The following GABRG2 variants were observed in gnomAD, a reference collection of about 807,000 sequenced individuals.
The protein encoded by GABRG2 is gamma-aminobutyric acid receptor subunit gamma-2.
GABRG2 carries 16 observed loss-of-function variants against 56.4 expected under a neutral mutation model. The observed-to-expected ratio is 0.28, with a 90% CI of 0.19 to 0.43. GABRG2 has a LOEUF of 0.43. Among genes scored for constraint, GABRG2 ranks in the 20% least tolerant of loss-of-function variants. The probability of loss-of-function intolerance (pLI) is 1.00; values close to 1 mark genes in which losing one functional copy is unlikely to be tolerated. For synonymous variants in GABRG2, 208 were observed against 205.5 expected (o/e 1.01, Z -0.10); for missense variants, 327 against 582.7 (o/e 0.56, Z 4.52).
intron 1 of GABRG2, among the ~76,000 whole-genome samples, chr5:162,074,393 G>C (rs755476979): frequency 2.0e-5 from 3 of 151,884 alleles, no homozygotes; most frequent in African/African-American, 7.2e-5. Flanking sequence ...AGAAAACAAG[G>C]GTTGTTTTAA....
In GABRG2 at chr5:162,103,884, G is replaced by A. The variant is rs1761614864; in HGVS notation, c.632-5G>A. 1 of 1,613,782 alleles carries A rather than the reference G, an allele frequency of 6.2e-7. No individual in the cohort carries two copies. Among genetic ancestry groups the A allele is most frequent in the Non-Finnish European group, 8.5e-7 (1 of 1,179,866 alleles). On this transcript the variant is annotated splice_polypyrimidine_tract_variant and splice_region_variant and intron_variant, in intron 5 of 9. Coordinates refer to ENST00000639213, the MANE Select transcript of GABRG2 (RefSeq NM_198904.4). Reference sequence around the variant, plus strand: ...TTTAATGTGAGCTTTCCTATCTCACGGCAGATGGCTATCCACGTGAAGAAA... The same window carrying A: ...TTTAATGTGAGCTTTCCTATCTCACAGCAGATGGCTATCCACGTGAAGAAA...
At chr5:162,077,022 A>T (rs1335169385) in intron 1 of GABRG2, among the ~76,000 whole-genome samples, 1 of 151,968 alleles carries the variant, frequency 6.6e-6, no homozygotes, top group Admixed American at 6.6e-5. Flanking sequence ...AATTTAATAT[A>T]CAGTTAGATG....
chr5:162,097,235 A>G (rs1761062928), intron 3 of GABRG2, among the ~76,000 whole-genome samples: 2 of 152,222 alleles, frequency 1.3e-5, no homozygotes, highest in South Asian at 2.1e-4. Flanking sequence ...AGGATTGAGT[A>G]TGGGTTTGGG....
At chr5:162,103,575 C>G in intron 5 of GABRG2, 1 of 348,084 alleles carries the variant, frequency 2.9e-6, no homozygotes, top group Non-Finnish European at 5.5e-6. Context: ...AGACTGGTCA[C>G]TTGGTATGCA....
rs191504289 is a variant in GABRG2 at position 162,118,281 on chromosome 5, T to A, written c.769+14255T>A. Among the ~76,000 whole-genome samples the A allele has an allele frequency of 3.1e-3, 467 of 151,820 alleles. 4 individuals carry two copies. The highest frequency in any genetic ancestry group is 0.011 in the African/African-American group (444 of 41,442). On this transcript the variant is annotated intron_variant, in intron 6 of 9. Coordinates refer to ENST00000639213, the MANE Select transcript of GABRG2 (RefSeq NM_198904.4). ...AAAACACGTATTTTCAAGGTACTCATGCCAATTATATACTGTAACAGCCTG... is the reference window on the plus strand; with the variant it reads ...AAAACACGTATTTTCAAGGTACTCAAGCCAATTATATACTGTAACAGCCTG...
intron 6 of GABRG2, chr5:162,129,362 A>C (rs974247596): frequency 6.6e-6 from 1 of 152,044 alleles, no homozygotes; most frequent in Non-Finnish European, 1.5e-5. Context: ...AAACATCACT[A>C]AGGGTATCTT....
chr5:162,100,065 C>T (rs1761302467), intron 4 of GABRG2: 1 of 152,040 alleles, frequency 6.6e-6, no homozygotes, highest in East Asian at 1.9e-4. Flanking sequence ...AAACCTCCAG[C>T]TTTGAAGGTA....
Position 162,067,880 on chromosome 5 carries a change from AC to A in GABRG2, c.-118del. 1 of 735,054 alleles carries A rather than the reference AC, an allele frequency of 1.4e-6. No individual in the cohort carries two copies. Among genetic ancestry groups the A allele is most frequent in the Non-Finnish European group, 2.4e-6 (1 of 410,832 alleles). The allele number at this position is 735,054 out of a possible 1,614,324, so 45.5% of individuals were successfully genotyped here. A position where few individuals can be genotyped will look rare whatever the true frequency, so the allele number is the denominator to read the frequency against. Reference sequence around the variant, plus strand: ...TAGCAATCCATCTCCCCAGTGAAGGACCTACTAGAGGCAGGTGGGGGGAGCC... The same window carrying A: ...TAGCAATCCATCTCCCCAGTGAAGGACTACTAGAGGCAGGTGGGGGGAGCC... On this transcript the variant is annotated 5_prime_UTR_variant, in exon 1 of 10. Transcript: ENST00000639213.
At chr5:162,069,663 T>G (rs1758511658) in intron 1 of GABRG2, among the ~76,000 whole-genome samples, 1 of 152,310 alleles carries the variant, frequency 6.6e-6, no homozygotes, top group African/African-American at 2.4e-5. Flanking sequence ...AAAAATAGAA[T>G]GTATTTTCAC....
chr5:162,107,144 T>C (rs1761896316), intron 6 of GABRG2, among the ~76,000 whole-genome samples: 3 of 152,148 alleles, frequency 2.0e-5, no homozygotes, highest in Admixed American at 2.0e-4. Flanking sequence ...ATAGGGGTAG[T>C]GGCTTCCAAC....
At chr5:162,087,206 A>G (rs186328035) in intron 1 of GABRG2, among the ~76,000 whole-genome samples, 1 of 152,148 alleles carries the variant, frequency 6.6e-6, no homozygotes, top group Admixed American at 6.6e-5. Context: ...TCTGTTCCCC[A>G]CAATGAGCAT....
At chr5:162,131,925 A>G (rs1763783658) in intron 6 of GABRG2, among the ~76,000 whole-genome samples, 1 of 148,668 alleles carries the variant, frequency 6.7e-6, no homozygotes, top group African/African-American at 2.4e-5. Context: ...GAATATGTGT[A>G]TACTAGTCAG....
intron 3 of GABRG2, among the ~76,000 whole-genome samples, chr5:162,096,535 A>G (rs1445082437): frequency 6.6e-6 from 1 of 152,138 alleles, no homozygotes; most frequent in East Asian, 1.9e-4. Flanking sequence ...TTGGTTGACA[A>G]AGGATTTCGT....
At chr5:162,149,441 T>A in intron 8 of GABRG2, 128 bp downstream of exon 8, 1 of 824,082 alleles carries the variant, frequency 1.2e-6, no homozygotes, top group Non-Finnish European at 2.0e-6. Context: ...TGTATGAGTT[T>A]AGCCAGGCCA....
intron 6 of GABRG2, among the ~76,000 whole-genome samples, chr5:162,119,375 AATGTTGTAATAATTATT>A: frequency 1.3e-5 from 2 of 152,278 alleles, no homozygotes; most frequent in Middle Eastern, 6.8e-3. Context: ...ATAGTTACCC[AATGTTGTAATAATTATT>A]AACATATTTT....
At chr5:162,074,786 G>A (rs7735226) in intron 1 of GABRG2, among the ~76,000 whole-genome samples, 1 of 151,990 alleles carries the variant, frequency 6.6e-6, no homozygotes, top group South Asian at 2.1e-4. Context: ...CCAATTCTGG[G>A]ATTTTTGCAT....
chr5:162,102,513 G>T lies in GABRG2; in HGVS notation c.631+1196G>T, dbSNP rs564160090. The T allele has an allele frequency of 6.2e-5, 28 of 452,410 alleles. 1 individual carries two copies. Among genetic ancestry groups the T allele is most frequent in the South Asian group, 3.1e-4 (20 of 64,220 alleles). 28.0% of individuals were successfully genotyped at this position (452,410 alleles called of 1,614,324 possible). ...TTCTCTGCCTCATATCATCATTTTT[G>T]TTGTTGTTGTTGTTGTTTTGTTTTG... On this transcript the variant is annotated intron_variant, in intron 5 of 9. Transcript: ENST00000639213.
At chr5:162,104,929 A>G (rs1388423608) in intron 6 of GABRG2, among the ~76,000 whole-genome samples, 2 of 152,160 alleles carry the variant, frequency 1.3e-5, no homozygotes, top group South Asian at 2.1e-4. Context: ...TGTTGCTTAT[A>G]TCCTCTATGT....
At chr5:162,121,108 G>T (rs562565809) in intron 6 of GABRG2, among the ~76,000 whole-genome samples, 1 of 152,216 alleles carries the variant, frequency 6.6e-6, no homozygotes, top group Admixed American at 6.5e-5. Flanking sequence ...TCTGTCAAAA[G>T]TATGGACCAA....
Sources: allele counts gnomAD v4.1 joint callset (sites outside exome capture counted in the v4.1 genomes callset), GRCh38; gene constraint gnomAD v4.1.1; transcripts MANE v1.5; gene names NCBI Gene and HGNC (gene_info 2026-07-23, HGNC 2026-07-21).